ASCC3: variants seen among roughly 807,000 people sequenced by gnomAD.
ASCC3 encodes the protein ASC-1 complex subunit P200.
Under a neutral mutation model 256.3 loss-of-function variants are expected in ASCC3, and 158 were observed. That is an observed-to-expected ratio of 0.62 (90% CI 0.54 to 0.70). The LOEUF (loss-of-function observed/expected upper bound fraction) is 0.70. Among genes scored for constraint, ASCC3 ranks in the 30% least tolerant of loss-of-function variants. ASCC3 has a pLI of 0.00. For missense variants in ASCC3, 2,259 were observed against 2,626.0 expected, an observed-to-expected ratio of 0.86 and a Z score of 3.05; for synonymous variants, 948 against 883.4, an observed-to-expected ratio of 1.07 and a Z score of -1.30.
chr6:100,821,130 T>C (rs1282919218), intron 4 of ASCC3, among the ~76,000 whole-genome samples: 1 of 152,140 alleles, frequency 6.6e-6, no homozygotes, highest in Non-Finnish European at 1.5e-5. Context: ...CCTGGGCTCC[T>C]GCCTCAGCCT....
At chr6:100,677,269 C>G (rs560700705) in intron 14 of ASCC3, among the ~76,000 whole-genome samples, 36 of 151,900 alleles carry the variant, frequency 2.4e-4, no homozygotes, top group Non-Finnish European at 4.4e-4. Flanking sequence ...GGGTTTCACT[C>G]TTTAAAATCT....
rs563882694 is a variant in ASCC3, at chr6:100,825,173, C to G, written c.802-19293G>C. Among the ~76,000 whole-genome samples, 454 of 152,178 alleles carry G rather than the reference C, an allele frequency of 3.0e-3. 3 individuals carry two copies. Among genetic ancestry groups the G allele is most frequent in the African/African-American group, 0.011 (444 of 41,506 alleles). On this transcript the variant is annotated intron_variant, in intron 4 of 41. Coordinates refer to ENST00000369162, the MANE Select transcript of ASCC3 (RefSeq NM_006828.4). Reference sequence around the variant, plus strand: ...ATAGGATATGTTTTTCAAGCTTGTCCAACCCGTGGCCTGTGGGCCGCATGT... The same window carrying G: ...ATAGGATATGTTTTTCAAGCTTGTCGAACCCGTGGCCTGTGGGCCGCATGT...
At chr6:100,818,048 A>G (rs144375484) in intron 4 of ASCC3, among the ~76,000 whole-genome samples, 41 of 152,316 alleles carry the variant, frequency 2.7e-4, no homozygotes, top group African/African-American at 9.6e-4. Context: ...ACGAATTATA[A>G]ATCATGATAG....
chr6:100,574,532 A>C (rs552920040), intron 36 of ASCC3, among the ~76,000 whole-genome samples: 1 of 152,196 alleles, frequency 6.6e-6, no homozygotes. Flanking sequence ...AGTATAAAAT[A>C]AAATAAATAT....
intron 36 of ASCC3, among the ~76,000 whole-genome samples, chr6:100,585,453 G>A (rs1047393185): frequency 6.6e-6 from 1 of 152,106 alleles, no homozygotes; most frequent in Non-Finnish European, 1.5e-5. Context: ...GCACTTCTCT[G>A]TATTGGTTAT....
At chr6:100,584,422 T>A (rs888149250) in intron 36 of ASCC3, among the ~76,000 whole-genome samples, 2 of 151,900 alleles carry the variant, frequency 1.3e-5, no homozygotes, top group Admixed American at 6.7e-5. Context: ...CTCCCTTTTT[T>A]TGTTTTCCAT....
chr6:100,608,118 C>CA (rs1773044100), intron 30 of ASCC3, among the ~76,000 whole-genome samples: 498 of 23,332 alleles, frequency 0.021, 14 homozygotes, highest in East Asian at 0.054. Context: ...GTATATATAT[C>CA]TATATATACA....
At chr6:100,586,160 T>G (rs1245946422) in intron 36 of ASCC3, among the ~76,000 whole-genome samples, 1 of 152,214 alleles carries the variant, frequency 6.6e-6, no homozygotes, top group African/African-American at 2.4e-5. Context: ...GCTATCTTTT[T>G]GTTTGTCTGT....
intron 10 of ASCC3, among the ~76,000 whole-genome samples, chr6:100,729,640 T>C (rs1779806844): frequency 6.6e-6 from 1 of 152,194 alleles, no homozygotes; most frequent in South Asian, 2.1e-4. Context: ...TGGGAAGTTA[T>C]ACAAGTCATA....
At chr6:100,717,720 A>G (rs1199906783) in intron 12 of ASCC3, among the ~76,000 whole-genome samples, 1 of 152,122 alleles carries the variant, frequency 6.6e-6, no homozygotes, top group African/African-American at 2.4e-5. Context: ...CACAATATAT[A>G]TTACTTGTTT....
chr6:100,784,013 T>C (rs1314477964), intron 8 of ASCC3, among the ~76,000 whole-genome samples: 4 of 152,238 alleles, frequency 2.6e-5, no homozygotes, highest in East Asian at 3.9e-4. Context: ...GGCTAGTAAA[T>C]TGCAGAGCAA....
At chr6:100,669,243 TTTTC>T (rs1462859862) in intron 14 of ASCC3, among the ~76,000 whole-genome samples, 2 of 149,430 alleles carry the variant, frequency 1.3e-5, no homozygotes, top group African/African-American at 4.9e-5. Context: ...TATATTTTTC[TTTTC>T]TTTCATTTTA....
chr6:100,738,564 C>T (rs560395682), intron 10 of ASCC3, among the ~76,000 whole-genome samples: 2 of 152,184 alleles, frequency 1.3e-5, no homozygotes, highest in South Asian at 4.1e-4. Context: ...TGTTCTGTTC[C>T]ACTATTCTAT....
At chr6:100,521,666 C>T (rs1485677078) in intron 37 of ASCC3, among the ~76,000 whole-genome samples, 1 of 152,140 alleles carries the variant, frequency 6.6e-6, no homozygotes, top group Non-Finnish European at 1.5e-5. Flanking sequence ...GGGAACAAGG[C>T]CAAAGACAGA....
At chr6:100,553,015 G>T (rs1030189681) in intron 36 of ASCC3, among the ~76,000 whole-genome samples, 2 of 151,912 alleles carry the variant, frequency 1.3e-5, no homozygotes, top group African/African-American at 2.4e-5. Context: ...TGAATACCAT[G>T]GTCATGTACT....
chr6:100,563,581 C>T (rs1161651124), intron 36 of ASCC3, among the ~76,000 whole-genome samples: 3 of 151,986 alleles, frequency 2.0e-5, no homozygotes, highest in Non-Finnish European at 4.4e-5. Flanking sequence ...ATTCCTCGCA[C>T]GTGGATTAGC....
At chr6:100,624,386 G>GA (rs201882704) in intron 30 of ASCC3, among the ~76,000 whole-genome samples, 13 of 149,442 alleles carry the variant, frequency 8.7e-5, no homozygotes, top group East Asian at 2.0e-4. Context: ...GTAAATATAT[G>GA]AAAAAAAAAT....
intron 30 of ASCC3, among the ~76,000 whole-genome samples, chr6:100,622,543 T>C (rs1420376038): frequency 6.6e-6 from 1 of 152,062 alleles, no homozygotes; most frequent in East Asian, 1.9e-4. Flanking sequence ...GGTAGTTCTT[T>C]ATAGCAGTAT....
At position 100,848,307 on chromosome 6, in the gene ASCC3, A is replaced by C. The variant is rs527551611; in HGVS notation, c.642T>G (p.Pro214=). The C allele has an allele frequency of 6.2e-7, 1 of 1,614,082 alleles. No individual in the cohort carries two copies. The highest frequency in any genetic ancestry group is 1.1e-5 in the South Asian group (1 of 91,078). ...LQEACTPELK[P]VEKTNGSFLW... is the part of the protein sequence containing the mutation. ...AAAAGGAGCCATTTGTTTTTTCCAC[A>C]GGCTTGAGTTCTGGGGTGCAAGCCT... The change falls in exon 4 of 42, where the codon CCT becomes CCG. Residue 214 remains proline (P), a synonymous_variant. Coordinates refer to ENST00000369162, the MANE Select transcript of ASCC3 (RefSeq NM_006828.4).
Sources: gnomAD v4.1 joint callset for allele counts (sites outside exome capture counted in the v4.1 genomes callset) on GRCh38, gnomAD v4.1.1 for gene constraint, MANE v1.5 for transcripts, NCBI Gene and HGNC (gene_info 2026-07-23, HGNC 2026-07-21) for gene names.